FHIT: variants seen among roughly 807,000 people sequenced by gnomAD.
FHIT encodes fragile histidine triad diadenosine triphosphatase.
FHIT carries 19 observed loss-of-function variants against 17.9 expected under a neutral mutation model. That is an observed-to-expected ratio of 1.06 (90% CI 0.74 to 1.56). The LOEUF is 1.56. Ranked by LOEUF, FHIT falls within the 40% of genes most tolerant of loss-of-function variation. The pLI, the probability that FHIT is intolerant of heterozygous loss-of-function variation, is 0.00. For missense variants in FHIT, 248 were observed against 189.2 expected (o/e 1.31, Z -1.82); for synonymous variants, 81 against 69.7 (o/e 1.16, Z -0.81).
chr3:60,629,542 A>AC (rs782293171), intron 4 of FHIT, among the ~76,000 whole-genome samples: 29 of 152,210 alleles, frequency 1.9e-4, no homozygotes, highest in Non-Finnish European at 3.2e-4. Context: ...GTTGCTTATT[A>AC]CTGCAGGAAA....
chr3:60,992,021 G>A (rs1226027452), intron 3 of FHIT, among the ~76,000 whole-genome samples: 2 of 152,018 alleles, frequency 1.3e-5, no homozygotes, highest in Non-Finnish European at 2.9e-5. Context: ...ACAGAATTCT[G>A]GAAAAACTGG....
chr3:60,409,676 T>A, intron 5 of FHIT, among the ~76,000 whole-genome samples: 1 of 152,192 alleles, frequency 6.6e-6, no homozygotes, highest in East Asian at 1.9e-4. Flanking sequence ...CTGAAAGTAA[T>A]ACATCTAAAG....
chr3:60,000,830 C>A (rs1000180900), intron 7 of FHIT, among the ~76,000 whole-genome samples: 3 of 152,100 alleles, frequency 2.0e-5, no homozygotes, highest in African/African-American at 7.2e-5. Context: ...CCCAGTGTAA[C>A]GGCTCCCCGC....
intron 5 of FHIT, among the ~76,000 whole-genome samples, chr3:60,353,824 T>C (rs1402409292): frequency 1.3e-5 from 2 of 152,162 alleles, no homozygotes; most frequent in African/African-American, 4.8e-5. Flanking sequence ...AAAATTGCAG[T>C]AATTTTTAAA....
chr3:60,265,666 G>A (rs1416004425), intron 5 of FHIT, among the ~76,000 whole-genome samples: 1 of 151,870 alleles, frequency 6.6e-6, no homozygotes, highest in Non-Finnish European at 1.5e-5. Flanking sequence ...GAAAATATAT[G>A]CAAATCACAT....
intron 5 of FHIT, among the ~76,000 whole-genome samples, chr3:60,124,001 TATATATATAGAGAGAGAGAGAGAGAGAG>T (rs1559653630): frequency 3.9e-4 from 11 of 27,958 alleles, no homozygotes; most frequent in African/African-American, 1.4e-3. Flanking sequence ...TATATATATA[TATATATATAGAGAGAGAGAGAGAGAGAG>T]AGAGAGAGAG....
chr3:60,150,561 A>G (rs1700421887), intron 5 of FHIT, among the ~76,000 whole-genome samples: 1 of 152,138 alleles, frequency 6.6e-6, no homozygotes, highest in Non-Finnish European at 1.5e-5. Flanking sequence ...GTCTCAGGTG[A>G]TTCTCCCACC....
chr3:60,315,719 C>T (rs1370213412), intron 5 of FHIT, among the ~76,000 whole-genome samples: 1 of 152,130 alleles, frequency 6.6e-6, no homozygotes, highest in Non-Finnish European at 1.5e-5. Context: ...TGGTTGCTTC[C>T]AGTTTGGGGC....
chr3:59,814,039 T>TAC (rs769333983), intron 8 of FHIT, among the ~76,000 whole-genome samples: 1 of 72,852 alleles, frequency 1.4e-5, no homozygotes, highest in African/African-American at 6.0e-5. Flanking sequence ...TAAAAAAATT[T>TAC]ACACATACAC....
chr3:60,034,095 C>T (rs1047378023), intron 5 of FHIT, among the ~76,000 whole-genome samples: 5 of 152,098 alleles, frequency 3.3e-5, no homozygotes, highest in Non-Finnish European at 5.9e-5. Flanking sequence ...CCATATAACC[C>T]CTCACTCAAT....
chr3:60,647,826 G>C (rs1006467406), intron 4 of FHIT, among the ~76,000 whole-genome samples: 4 of 152,134 alleles, frequency 2.6e-5, no homozygotes, highest in African/African-American at 9.7e-5. Context: ...GGAGGAAAAA[G>C]GATGGGAAAA....
At chr3:59,995,476 T>C (rs904593711) in intron 7 of FHIT, among the ~76,000 whole-genome samples, 7 of 152,118 alleles carry the variant, frequency 4.6e-5, no homozygotes, top group African/African-American at 1.7e-4. Context: ...TATCAACACA[T>C]CTGGTCTTCA....
At chr3:60,441,757 A>ATTTGTATTTATATATATATTT (rs1336572305) in intron 5 of FHIT, among the ~76,000 whole-genome samples, 1 of 55,940 alleles carries the variant, frequency 1.8e-5, no homozygotes, top group Non-Finnish European at 3.7e-5. Flanking sequence ...TATATATAAA[A>ATTTGTATTTATATATATATTT]ATATATATAT....
At chr3:60,079,234 T>C (rs1703168190) in intron 5 of FHIT, among the ~76,000 whole-genome samples, 1 of 152,130 alleles carries the variant, frequency 6.6e-6, no homozygotes, top group Admixed American at 6.6e-5. Context: ...CCCGAGGTGA[T>C]GTGCAGGCCG....
rs530036523 is a variant in FHIT, at chr3:60,741,794, C to T, written c.-18+80125G>A. On this transcript the variant is annotated intron_variant, in intron 4 of 9. Coordinates refer to ENST00000492590, the MANE Select transcript of FHIT (RefSeq NM_002012.4). ...GATGGCTGTGTTGGACCAGAAAAAG[C>T]AACCATTGAAATTTCCAAACTGAAT... Among the ~76,000 whole-genome samples, 21 of 152,344 alleles carry T rather than the reference C, an allele frequency of 1.4e-4. No individual in the cohort carries two copies. The South Asian group carries it at 3.5e-3, about 26-fold the overall frequency.
intron 8 of FHIT, among the ~76,000 whole-genome samples, chr3:59,881,174 C>T (rs1426441557): frequency 6.6e-6 from 1 of 152,236 alleles, no homozygotes; most frequent in South Asian, 2.1e-4. Flanking sequence ...TGAATGCTTC[C>T]AGTAGGCCAC....
intron 5 of FHIT, among the ~76,000 whole-genome samples, chr3:60,363,019 T>C (rs901127246): frequency 6.6e-6 from 1 of 152,182 alleles, no homozygotes; most frequent in Non-Finnish European, 1.5e-5. Context: ...GGAAAGACGC[T>C]GTTAAGTTCA....
At chr3:59,940,709 T>G (rs1240023680) in intron 7 of FHIT, among the ~76,000 whole-genome samples, 1 of 152,200 alleles carries the variant, frequency 6.6e-6, no homozygotes, top group Non-Finnish European at 1.5e-5. Flanking sequence ...CTTAATTCTT[T>G]GGGTTCTATA....
At chr3:60,130,782 GTGGTGTGTATATACACACATATATA>G in intron 5 of FHIT, among the ~76,000 whole-genome samples, 1 of 12,334 alleles carries the variant, frequency 8.1e-5, no homozygotes, top group Non-Finnish European at 2.0e-4. Flanking sequence ...GTGTGTGTGT[GTGGTGTGTATATACACACATATATA>G]TGTGTGTATG....
Sources: allele counts gnomAD v4.1 joint callset (sites outside exome capture counted in the v4.1 genomes callset), GRCh38; gene constraint gnomAD v4.1.1; transcripts MANE v1.5; gene names NCBI Gene and HGNC (gene_info 2026-07-23, HGNC 2026-07-21).